Variants in APBA2 observed in about 807,000 individuals in gnomAD.
The protein encoded by APBA2 is amyloid-beta A4 precursor protein-binding family A member 2.
In APBA2, 30 loss-of-function variants were observed where a neutral mutation model predicts 75.0. The observed-to-expected ratio is 0.40, with a 90% confidence interval of 0.30 to 0.54. The LOEUF is 0.54. Among genes scored for constraint, APBA2 ranks in the 20% least tolerant of loss-of-function variants. The probability of loss-of-function intolerance (pLI) is 0.49; values close to 1 mark genes in which losing one functional copy is unlikely to be tolerated. For missense variants in APBA2, 801 were observed against 1,016.1 expected (o/e 0.79, Z 2.88); for synonymous variants, 444 against 409.6 (o/e 1.08, Z -1.01).
At chr15:29,115,433 C>T (rs980062519) in intron 14 of APBA2, among the ~76,000 whole-genome samples, 1 of 152,046 alleles carries the variant, frequency 6.6e-6, no homozygotes, top group Non-Finnish European at 1.5e-5. Context: ...CGGACACCAG[C>T]CTCCCTTTGA....
chr15:29,019,886 A>C (rs2039864264), intron 3 of APBA2, among the ~76,000 whole-genome samples: 1 of 152,278 alleles, frequency 6.6e-6, no homozygotes, highest in African/African-American at 2.4e-5. Flanking sequence ...GCAGTTTACC[A>C]GATACTGTCA....
chr15:29,088,873 C>T (rs961476858), intron 6 of APBA2, among the ~76,000 whole-genome samples: 10 of 152,228 alleles, frequency 6.6e-5, no homozygotes, highest in Non-Finnish European at 1.5e-4. Context: ...GCAGTCCAGA[C>T]ATCCTATAGA....
At chr15:28,955,908 T>C (rs1488365401) in intron 2 of APBA2, among the ~76,000 whole-genome samples, 1 of 152,234 alleles carries the variant, frequency 6.6e-6, no homozygotes, top group African/African-American at 2.4e-5. Context: ...TGCTTGCTCC[T>C]GCAGGCAGGG....
At chr15:28,940,539 C>T (rs1439468750) in intron 2 of APBA2, among the ~76,000 whole-genome samples, 2 of 142,884 alleles carry the variant, frequency 1.4e-5, no homozygotes, top group African/African-American at 2.6e-5. Flanking sequence ...GGTGACAGAG[C>T]GAGACTCTGT....
intron 2 of APBA2, among the ~76,000 whole-genome samples, chr15:28,960,978 C>T (rs1017237988): frequency 3.9e-5 from 6 of 151,978 alleles, no homozygotes; most frequent in Admixed American, 2.6e-4. Flanking sequence ...AGGCTGGTCT[C>T]GAACTCCCGA....
chr15:28,888,186 G>C (rs1025190362), intron 1 of APBA2, among the ~76,000 whole-genome samples: 19 of 152,226 alleles, frequency 1.2e-4, no homozygotes, highest in Admixed American at 1.2e-3. Context: ...AATTGGTGGG[G>C]ATGGATTGTG....
At chr15:29,006,693 G>A (rs1342707663) in intron 3 of APBA2, among the ~76,000 whole-genome samples, 3 of 152,186 alleles carry the variant, frequency 2.0e-5, no homozygotes, top group Non-Finnish European at 4.4e-5. Flanking sequence ...CAGATCTCAT[G>A]AGATTTATTC....
At chr15:29,023,974 G>A (rs1012023402) in intron 3 of APBA2, among the ~76,000 whole-genome samples, 8 of 150,768 alleles carry the variant, frequency 5.3e-5, no homozygotes, top group Admixed American at 5.3e-4. Context: ...CATGATCTCG[G>A]CTCACTGCAA....
intron 8 of APBA2, among the ~76,000 whole-genome samples, chr15:29,095,861 T>C (rs933347290): frequency 5.9e-5 from 9 of 152,320 alleles, no homozygotes; most frequent in Admixed American, 5.9e-4. Context: ...ATTGCAGACT[T>C]GCAGTTGGGG....
intron 4 of APBA2, among the ~76,000 whole-genome samples, chr15:29,063,971 C>G (rs568512665): frequency 9.6e-4 from 146 of 152,168 alleles, no homozygotes; most frequent in African/African-American, 3.4e-3. Context: ...CCAAGGTGCC[C>G]CCACGCTGTC....
intron 3 of APBA2, among the ~76,000 whole-genome samples, chr15:29,033,179 G>C (rs1174217925): frequency 6.6e-6 from 1 of 152,014 alleles, no homozygotes; most frequent in Non-Finnish European, 1.5e-5. Flanking sequence ...GTCTGCACTA[G>C]ACATCTCCAG....
chr15:29,008,989 A>C (rs893975768), intron 3 of APBA2, among the ~76,000 whole-genome samples: 14 of 152,234 alleles, frequency 9.2e-5, no homozygotes, highest in African/African-American at 3.4e-4. Flanking sequence ...AGAAGCCGGC[A>C]GGCTCTTCCT....
chr15:29,093,342 G>A (rs998840957), intron 7 of APBA2, 122 bp downstream of exon 7: 4 of 1,426,774 alleles, frequency 2.8e-6, no homozygotes, highest in Non-Finnish European at 3.8e-6. Context: ...AGCACAGGGG[G>A]CAGGAGCGGC....
chr15:29,026,439 C>T (rs754883399), intron 3 of APBA2, among the ~76,000 whole-genome samples: 1 of 152,198 alleles, frequency 6.6e-6, no homozygotes, highest in Non-Finnish European at 1.5e-5. Context: ...TGTATATGAA[C>T]GGCCAGTTAA....
At chr15:28,966,355 T>A (rs1266488862) in intron 2 of APBA2, among the ~76,000 whole-genome samples, 1 of 152,208 alleles carries the variant, frequency 6.6e-6, no homozygotes. Context: ...TTGTTTTTGC[T>A]GTATGTGTTT....
At chr15:29,092,233 C>T (rs1381482948) in intron 6 of APBA2, among the ~76,000 whole-genome samples, 1 of 152,206 alleles carries the variant, frequency 6.6e-6, no homozygotes, top group Non-Finnish European at 1.5e-5. Flanking sequence ...CCATCTCCCC[C>T]TTTACAGGAA....
intron 3 of APBA2, among the ~76,000 whole-genome samples, chr15:29,040,087 A>T (rs1161973806): frequency 1.3e-5 from 2 of 152,172 alleles, no homozygotes; most frequent in Non-Finnish European, 2.9e-5. Context: ...CAAGCTGAAG[A>T]TTAGGAGGGA....
intron 2 of APBA2, among the ~76,000 whole-genome samples, chr15:28,979,158 C>T (rs936409969): frequency 6.6e-6 from 1 of 152,192 alleles, no homozygotes; most frequent in South Asian, 2.1e-4. Context: ...TGGCCTGCCC[C>T]GATTCCAGGC....
chr15:28,983,557 C>T (rs1383435198), intron 2 of APBA2, among the ~76,000 whole-genome samples: 3 of 152,214 alleles, frequency 2.0e-5, no homozygotes, highest in Non-Finnish European at 2.9e-5. Context: ...CTGGTTGTGG[C>T]ATGCTGAAGC....
Sources: gnomAD v4.1 joint callset for allele counts (sites outside exome capture counted in the v4.1 genomes callset) on GRCh38, gnomAD v4.1.1 for gene constraint, MANE v1.5 for transcripts, NCBI Gene and HGNC (gene_info 2026-07-23, HGNC 2026-07-21) for gene names.